The following MEGF9 variants were observed in gnomAD, a reference collection of about 807,000 sequenced individuals.
The protein encoded by MEGF9 is multiple EGF like domains 9.
In MEGF9, 6 loss-of-function variants were observed where a neutral mutation model predicts 46.8. That is an observed-to-expected ratio of 0.13 (90% CI 0.07 to 0.25). The LOEUF is 0.25. Ranked by LOEUF, MEGF9 falls within the 10% of genes least tolerant of loss-of-function variation. MEGF9 has a pLI of 1.00. For missense variants in MEGF9, 683 were observed against 792.4 expected (o/e 0.86, Z 1.66); for synonymous variants, 302 against 330.7 (o/e 0.91, Z 0.94).
chr9:120,660,721 A>G (rs1469940506), intron 1 of MEGF9, among the ~76,000 whole-genome samples: 1 of 152,222 alleles, frequency 6.6e-6, no homozygotes, highest in African/African-American at 2.4e-5. Context: ...TCAAAAGGAA[A>G]GTGTTTTCAA....
chr9:120,713,678 A>G (rs1203811958), intron 1 of MEGF9, 80 bp downstream of exon 1: 10 of 1,239,712 alleles, frequency 8.1e-6, no homozygotes, highest in Non-Finnish European at 3.0e-6. Flanking sequence ...CAAACGATAA[A>G]TTATAGGCAA....
intron 1 of MEGF9, among the ~76,000 whole-genome samples, chr9:120,693,107 A>C (rs2043857840): frequency 6.6e-6 from 1 of 152,172 alleles, no homozygotes; most frequent in South Asian, 2.1e-4. Context: ...TATTTTGTAT[A>C]ACAGAAAGCC....
chr9:120,684,956 T>G (rs1390723485), intron 1 of MEGF9, among the ~76,000 whole-genome samples: 2 of 152,124 alleles, frequency 1.3e-5, no homozygotes, highest in Non-Finnish European at 2.9e-5. Flanking sequence ...TGCCTCAGCT[T>G]CCTGAGTAGT....
Position 120,605,343 on chromosome 9 carries a change from G to A in MEGF9, c.1656C>T (p.Thr552=). 6.2e-7 allele frequency: 1 copy of A among 1,613,996 alleles called. No homozygotes were observed. Among genetic ancestry groups the A allele is most frequent in the Non-Finnish European group, 8.5e-7 (1 of 1,179,892 alleles). ...QNRKLNAPFW[T]IELKEDNISF... is the part of the protein sequence containing the mutation. The stretch of plus-strand genomic sequence containing the variant: ...TGATATTGTCTTCTTTCAGCTCGAT[G>A]GTCCAAAAGGGGGCATTGAGTTTCC... Residue 552 remains threonine (T), a synonymous_variant, in exon 6 of 6, where the codon ACC becomes ACT. Transcript: ENST00000373930. This position sits in a 1 kb window ranked among gnomAD's most constrained non-coding sequence, Gnocchi z 4.0.
chr9:120,635,623 T>A (rs574989000), intron 2 of MEGF9, among the ~76,000 whole-genome samples: 30 of 152,324 alleles, frequency 2.0e-4, no homozygotes, highest in African/African-American at 7.0e-4. Flanking sequence ...TTGTATTTTT[T>A]AATTTAATTC....
chr9:120,709,228 C>T (rs1441106853), intron 1 of MEGF9, among the ~76,000 whole-genome samples: 2 of 152,006 alleles, frequency 1.3e-5, no homozygotes, highest in African/African-American at 4.8e-5. Context: ...ACCAGCCTGG[C>T]CAACATGGTG....
rs147157370 is a variant in MEGF9, at chr9:120,685,113, C to T, written c.602-25538G>A. Reference sequence around the variant, plus strand: ...CCTCCCAAAGTGCTGGGATTACAGGCGTAAGCCACCACACCCGGCCGGGAG... The same window carrying T: ...CCTCCCAAAGTGCTGGGATTACAGGTGTAAGCCACCACACCCGGCCGGGAG... On this transcript the variant is annotated intron_variant, in intron 1 of 5. Transcript: ENST00000373930. 4.8e-3 allele frequency among the ~76,000 whole-genome samples: 729 copies of T among 152,254 alleles called. 17 individuals carry two copies. Among genetic ancestry groups the T allele is most frequent in the Admixed American group, 0.032 (485 of 15,294 alleles).
intron 1 of MEGF9, among the ~76,000 whole-genome samples, chr9:120,672,330 C>A (rs182870907): frequency 6.0e-4 from 91 of 152,072 alleles, no homozygotes; most frequent in Admixed American, 2.2e-3. Flanking sequence ...TAGCTCGACA[C>A]GTATAAAATC....
At chr9:120,616,432 C>T (rs1450045355) in intron 3 of MEGF9, among the ~76,000 whole-genome samples, 1 of 152,046 alleles carries the variant, frequency 6.6e-6, no homozygotes, top group African/African-American at 2.4e-5. Context: ...GTAATCCCAG[C>T]ACTCTGGGAG....
chr9:120,627,169 G>A (rs973579760), intron 2 of MEGF9, among the ~76,000 whole-genome samples: 1 of 152,086 alleles, frequency 6.6e-6, no homozygotes, highest in Non-Finnish European at 1.5e-5. Context: ...ATAAACACAT[G>A]GTAGAAACAG....
intron 2 of MEGF9, among the ~76,000 whole-genome samples, chr9:120,631,609 T>C (rs1200214470): frequency 6.6e-6 from 1 of 151,604 alleles, no homozygotes; most frequent in Non-Finnish European, 1.5e-5. Context: ...CTCAGCCTCC[T>C]GAGTAGCTGG....
intron 1 of MEGF9, among the ~76,000 whole-genome samples, chr9:120,688,801 T>G (rs572944959): frequency 6.6e-6 from 1 of 152,244 alleles, no homozygotes; most frequent in African/African-American, 2.4e-5. Flanking sequence ...CTGGGCAAGG[T>G]AGAGAGGTTT....
At chr9:120,672,710 GAACT>G (rs1403557525) in intron 1 of MEGF9, among the ~76,000 whole-genome samples, 1 of 152,086 alleles carries the variant, frequency 6.6e-6, no homozygotes, top group Non-Finnish European at 1.5e-5. Flanking sequence ...AAAATTCCTA[GAACT>G]AATAAATGAC....
intron 3 of MEGF9, among the ~76,000 whole-genome samples, chr9:120,615,981 A>C (rs1378285105): frequency 6.6e-6 from 1 of 152,210 alleles, no homozygotes; most frequent in Non-Finnish European, 1.5e-5. Context: ...AGGTGCATGT[A>C]CCTAAAGTAC....
intron 1 of MEGF9, among the ~76,000 whole-genome samples, chr9:120,689,033 AAGAC>A (rs1401410624): frequency 6.6e-6 from 1 of 152,220 alleles, no homozygotes; most frequent in Non-Finnish European, 1.5e-5. Flanking sequence ...AACAATGAGA[AAGAC>A]AGACGTGGTC....
At chr9:120,670,968 C>T (rs987929813) in intron 1 of MEGF9, among the ~76,000 whole-genome samples, 1 of 152,182 alleles carries the variant, frequency 6.6e-6, no homozygotes, top group African/African-American at 2.4e-5. Context: ...AGACTGCCTC[C>T]TTTTCTTCAC....
chr9:120,678,497 G>A (rs2132331642), intron 1 of MEGF9, among the ~76,000 whole-genome samples: 1 of 152,262 alleles, frequency 6.6e-6, no homozygotes, highest in African/African-American at 2.4e-5. Flanking sequence ...TTCTGAGACA[G>A]AGTCTCACTG....
At chr9:120,688,053 T>C (rs1186887747) in intron 1 of MEGF9, among the ~76,000 whole-genome samples, 2 of 152,046 alleles carry the variant, frequency 1.3e-5, no homozygotes, top group African/African-American at 4.8e-5. Flanking sequence ...GAAATAATCA[T>C]CTATTTGTCC....
At chr9:120,702,737 G>A (rs74885774) in intron 1 of MEGF9, among the ~76,000 whole-genome samples, 6,481 of 152,270 alleles carry the variant, frequency 0.043, 453 homozygotes, top group African/African-American at 0.15. Context: ...GGGTGGTGAT[G>A]TGGAGGTGAG....
Sources: allele counts gnomAD v4.1 joint callset (sites outside exome capture counted in the v4.1 genomes callset), GRCh38; gene constraint gnomAD v4.1.1; non-coding constraint Gnocchi (gnomAD v3.1); transcripts MANE v1.5; gene names NCBI Gene and HGNC (gene_info 2026-07-23, HGNC 2026-07-21).